PBX4: variants seen among roughly 807,000 people sequenced by gnomAD.
PBX4 encodes PBX homeobox 4, also known as pre-B-cell leukemia transcription factor 4.
A neutral mutation model predicts 35.1 loss-of-function variants in PBX4; 26 were observed. The ratio of observed to expected loss-of-function variants is 0.74; its 90% CI spans 0.54 to 1.03. The LOEUF is 1.03. Among genes scored for constraint, PBX4 ranks in the 50% least tolerant of loss-of-function variants. The pLI is 0.00. For synonymous variants in PBX4, 199 were observed against 204.2 expected (o/e 0.97, Z 0.22); for missense variants, 448 against 504.3 (o/e 0.89, Z 1.07).
intron 2 of PBX4, among the ~76,000 whole-genome samples, chr19:19,593,820 C>G (rs903543856): frequency 6.6e-6 from 1 of 152,110 alleles, no homozygotes; most frequent in African/African-American, 2.4e-5. Context: ...TGGGACTCAG[C>G]TTGGAGGAAT....
At chr19:19,566,726 C>T (rs781088483) in intron 5 of PBX4, among the ~76,000 whole-genome samples, 12 of 130,640 alleles carry the variant, frequency 9.2e-5, no homozygotes, top group Non-Finnish European at 1.7e-4. Flanking sequence ...TTTTCGGAGA[C>T]GGAGTCTCAC....
intron 2 of PBX4, among the ~76,000 whole-genome samples, chr19:19,592,787 G>T (rs1009693033): frequency 6.6e-6 from 1 of 152,190 alleles, no homozygotes; most frequent in African/African-American, 2.4e-5. Flanking sequence ...TAGACCCTGC[G>T]CTGGCCAGGA....
chr19:19,618,435 C>G lies in PBX4; in HGVS notation c.119+76G>C. 4 of 1,297,430 alleles carry G rather than the reference C, an allele frequency of 3.1e-6. No individual in the cohort carries two copies. The South Asian group carries it at 7.4e-5, about 24-fold the overall frequency. 80.4% of individuals were successfully genotyped at this position (1,297,430 alleles called of 1,614,324 possible). A position where few individuals can be genotyped will look rare whatever the true frequency, so the allele number is the denominator to read the frequency against. On this transcript the variant is annotated intron_variant, in intron 1 of 7. Transcript: ENST00000251203. ...CAAGCGCCCCTCGTCAGTCTGGCCT[C>G]CACGCCCCGTCCCCTCAGCCCGCCA...
At chr19:19,615,025 G>A (rs925221468) in intron 1 of PBX4, among the ~76,000 whole-genome samples, 1 of 151,478 alleles carries the variant, frequency 6.6e-6, no homozygotes, top group African/African-American at 2.4e-5. Flanking sequence ...TTAGCCAGGC[G>A]GTAGTGGCAC....
chr19:19,613,445 CAA>C (rs57256131), intron 1 of PBX4, among the ~76,000 whole-genome samples: 44 of 113,612 alleles, frequency 3.9e-4, no homozygotes, highest in African/African-American at 1.2e-3. Context: ...GACTCTGTCT[CAA>C]AAAAAAAAAA....
chr19:19,599,695 A>G (rs1360718057), intron 1 of PBX4, among the ~76,000 whole-genome samples: 1 of 151,594 alleles, frequency 6.6e-6, no homozygotes, highest in Non-Finnish European at 1.5e-5. Context: ...AAACTTGGCC[A>G]GGCACAGTGG....
intron 1 of PBX4, among the ~76,000 whole-genome samples, chr19:19,600,477 A>T (rs1306970340): frequency 6.6e-6 from 1 of 151,184 alleles, no homozygotes; most frequent in Non-Finnish European, 1.5e-5. Context: ...TGAGCTATGA[A>T]CATGCCACTG....
At chr19:19,566,415 G>A (rs2061342253) in intron 5 of PBX4, among the ~76,000 whole-genome samples, 1 of 152,242 alleles carries the variant, frequency 6.6e-6, no homozygotes, top group South Asian at 2.1e-4. Context: ...CTACAGGCAT[G>A]GAGACGTCCA....
chr19:19,569,701 G>T, intron 4 of PBX4, 117 bp from the exon 5 acceptor site: 1 of 1,356,898 alleles, frequency 7.4e-7, no homozygotes. Flanking sequence ...CTTGAGGTCA[G>T]GAGTTCGAGA....
At chr19:19,602,747 T>TTA (rs58155504) in intron 1 of PBX4, among the ~76,000 whole-genome samples, 2 of 152,120 alleles carry the variant, frequency 1.3e-5, no homozygotes, top group South Asian at 4.2e-4. Context: ...GTTTTTTTTT[T>TTA]ATCTTGCTTT....
chr19:19,608,106 A>G (rs2061641816), intron 1 of PBX4: 1 of 152,190 alleles, frequency 6.6e-6, no homozygotes, highest in African/African-American at 2.4e-5. Context: ...TAATCCCAGC[A>G]CTTTGGGAAG....
intron 2 of PBX4, among the ~76,000 whole-genome samples, chr19:19,572,532 G>C (rs532829524): frequency 1.3e-5 from 2 of 150,614 alleles, no homozygotes; most frequent in Non-Finnish European, 3.0e-5. Flanking sequence ...CAAAACTGAA[G>C]GAACTCAAGC....
intron 1 of PBX4, among the ~76,000 whole-genome samples, chr19:19,613,941 A>C (rs1246918456): frequency 6.6e-6 from 1 of 152,166 alleles, no homozygotes; most frequent in Non-Finnish European, 1.5e-5. Flanking sequence ...ACAATTATTT[A>C]CAAGTTGGTC....
At chr19:19,582,105 C>T (rs1294740386) in intron 2 of PBX4, among the ~76,000 whole-genome samples, 2 of 152,134 alleles carry the variant, frequency 1.3e-5, no homozygotes, top group South Asian at 2.1e-4. Context: ...GATCTGGCCT[C>T]ATTTGCTCCT....
At chr19:19,577,639 T>C (rs2061428373) in intron 2 of PBX4, among the ~76,000 whole-genome samples, 1 of 151,038 alleles carries the variant, frequency 6.6e-6, no homozygotes. Flanking sequence ...GGTGGGTGGA[T>C]CTTGAGGTCA....
chr19:19,588,359 T>G (rs1369891253), intron 2 of PBX4: 7 of 1,312,360 alleles, frequency 5.3e-6, no homozygotes, highest in Middle Eastern at 1.9e-4. Flanking sequence ...CACAGTCATC[T>G]GATGGCAACA....
At chr19:19,575,262 TG>T (rs199768142) in intron 2 of PBX4, among the ~76,000 whole-genome samples, 2,015 of 139,972 alleles carry the variant, frequency 0.014, 72 homozygotes, top group South Asian at 0.082. Flanking sequence ...AAGCTCCAGC[TG>T]TCTGTTTTAG....
At chr19:19,595,229 G>A (rs922445809) in intron 2 of PBX4, among the ~76,000 whole-genome samples, 1 of 152,084 alleles carries the variant, frequency 6.6e-6, no homozygotes, top group African/African-American at 2.4e-5. Flanking sequence ...TTTTTATTAG[G>A]TGAAAAGTGA....
intron 2 of PBX4, among the ~76,000 whole-genome samples, chr19:19,586,404 G>A: frequency 6.6e-6 from 1 of 151,756 alleles, no homozygotes; most frequent in East Asian, 2.0e-4. Context: ...TTGAGACAGA[G>A]CAAGACCCTG....
Sources: allele counts gnomAD v4.1 joint callset (sites outside exome capture counted in the v4.1 genomes callset), GRCh38; gene constraint gnomAD v4.1.1; transcripts MANE v1.5; gene names NCBI Gene and HGNC (gene_info 2026-07-23, HGNC 2026-07-21).